F3: variants seen among roughly 807,000 people sequenced by gnomAD.
The protein encoded by F3 is coagulation factor III, tissue factor, also known as tissue factor.
F3 carries 18 observed loss-of-function variants against 33.5 expected under a neutral mutation model. The ratio of observed to expected loss-of-function variants is 0.54; its 90% confidence interval spans 0.37 to 0.80. F3 has a LOEUF of 0.80. F3 is among the 30% of genes least tolerant of loss of function. The pLI, the probability that F3 is intolerant of heterozygous loss-of-function variation, is 0.00. For synonymous variants in F3, 147 were observed against 140.7 expected (o/e 1.05, Z -0.32); for missense variants, 353 against 362.1 (o/e 0.97, Z 0.20).
intron 3 of F3, among the ~76,000 whole-genome samples, chr1:94,535,690 C>T (rs956730906): frequency 3.3e-5 from 5 of 151,974 alleles, no homozygotes; most frequent in African/African-American, 1.2e-4. Context: ...CGCCCTCTCC[C>T]AACACACATT....
At chr1:94,535,187 C>T (rs552453566) in intron 3 of F3, among the ~76,000 whole-genome samples, 1 of 152,322 alleles carries the variant, frequency 6.6e-6, no homozygotes, top group Non-Finnish European at 1.5e-5. Flanking sequence ...ACAACACCTT[C>T]ATTCTAACCA....
chr1:94,541,646 T>C lies in F3; in HGVS notation c.-10A>G. The C allele has an allele frequency of 2.2e-6, 3 of 1,395,332 alleles. No homozygotes were observed. The highest frequency in any genetic ancestry group is 1.7e-5 in the South Asian group (1 of 58,550). The allele number at this position is 1,395,332 out of a possible 1,614,324, so 86.4% of individuals were successfully genotyped here. A position where few individuals can be genotyped will look rare whatever the true frequency, so the allele number is the denominator to read the frequency against. On this transcript the variant is annotated 5_prime_UTR_variant, in exon 1 of 6. Transcript: ENST00000334047. ...AGGCAGGGGTCTCCATGTCTACCAGTTGGCGGCGAGATCGAGCGGGTTCCG... is the reference window on the plus strand; with the variant it reads ...AGGCAGGGGTCTCCATGTCTACCAGCTGGCGGCGAGATCGAGCGGGTTCCG...
At chr1:94,532,195 C>G (rs200985472) in intron 5 of F3, 126 bp downstream of exon 5, 1 of 879,216 alleles carries the variant, frequency 1.1e-6, no homozygotes, top group South Asian at 2.1e-5. Flanking sequence ...AAAAAACCTC[C>G]AGGCAGTTTG....
At chr1:94,531,529 T>C (rs1651426300) in intron 5 of F3, among the ~76,000 whole-genome samples, 1 of 152,172 alleles carries the variant, frequency 6.6e-6, no homozygotes, top group Non-Finnish European at 1.5e-5. Flanking sequence ...CCCAAACTCC[T>C]GACCTCAAGT....
At chr1:94,536,563 G>A (rs1651615848) in intron 2 of F3, among the ~76,000 whole-genome samples, 1 of 152,084 alleles carries the variant, frequency 6.6e-6, no homozygotes, top group South Asian at 2.1e-4. Flanking sequence ...TCACACAGCT[G>A]GACTTTGAAC....
At chr1:94,541,444 C>G (rs1000327297) in intron 1 of F3, 93 bp downstream of exon 1, 27 of 1,035,348 alleles carry the variant, frequency 2.6e-5, no homozygotes, top group Non-Finnish European at 3.4e-5. Flanking sequence ...ATGGGCGCCC[C>G]GGGGAACCAG....
chr1:94,530,414 G>C lies in F3; in HGVS notation c.*46C>G, dbSNP rs1651383867. The C allele has an allele frequency of 4.4e-6, 7 of 1,607,770 alleles. No individual in the cohort carries two copies. Among genetic ancestry groups the C allele is most frequent in the Non-Finnish European group, 5.1e-6 (6 of 1,176,370 alleles). On this transcript the variant is annotated 3_prime_UTR_variant, in exon 6 of 6. Transcript: ENST00000334047. ...TATTCTATCCTCTTAAAAGTTCTCGGTCACAGTGCAATATAGCATTTGCAG... is the reference window on the plus strand; with the variant it reads ...TATTCTATCCTCTTAAAAGTTCTCGCTCACAGTGCAATATAGCATTTGCAG...
chr1:94,532,372 T>G lies in F3; in HGVS notation c.700A>C (p.Ser234Arg), dbSNP rs1651458794. The change falls in exon 5 of 6, where the codon AGT (serine) becomes CGT (arginine). Residue 234 changes from serine to arginine, a missense_variant. Transcript: ENST00000334047. ...ATACACTCTACCGGGCTGTCTGTACTCTTCCGGTTAACTGTTCGGGAGGGA... is the reference window on the plus strand; with the variant it reads ...ATACACTCTACCGGGCTGTCTGTACGCTTCCGGTTAACTGTTCGGGAGGGA... ...VIPSRTVNRK[S>R]TDSPVECMGQ... 1.9e-6 allele frequency: 3 copies of G among 1,614,100 alleles called. No homozygotes were observed. The highest frequency in any genetic ancestry group is 2.5e-6 in the Non-Finnish European group (3 of 1,180,048).
intron 3 of F3, among the ~76,000 whole-genome samples, chr1:94,533,600 G>C (rs986613320): frequency 2.2e-4 from 33 of 152,138 alleles, no homozygotes; most frequent in Non-Finnish European, 4.4e-4. Context: ...ACATGGGTTT[G>C]AACTCTGTGG....
chr1:94,540,268 A>G lies in F3; in HGVS notation c.201T>C (p.Thr67=). 2 of 1,608,428 alleles carry G rather than the reference A, an allele frequency of 1.2e-6. No homozygotes were observed. Among genetic ancestry groups the G allele is most frequent in the Non-Finnish European group, 1.7e-6 (2 of 1,175,978 alleles). ...TGTACCCAGCTTACCTTATTTGAAC[A>G]GTGTAGACTTGATTGACGGGTTTGG... ...WEPKPVNQVY[T]VQISTKSGDW... The change falls in exon 2 of 6, where the codon ACT becomes ACC. Residue 67 remains threonine (T), a synonymous_variant. Transcript: ENST00000334047.
rs759484806 is a variant in F3, at chr1:94,533,260, C to T, written c.421G>A (p.Gly141Arg). ...EFTPYLETNL[G>R]QPTIQSFEQV... is the part of the protein sequence containing the mutation. ...TCAAAACTCTGAATTGTTGGCTGTC[C>T]GAGGTTTGCTGAAACAAAGGAAATG... The change falls in exon 4 of 6, where the codon GGA (glycine) becomes AGA (arginine). Residue 141 changes from glycine to arginine, a missense_variant. Coordinates refer to ENST00000334047, the MANE Select transcript of F3 (RefSeq NM_001993.5). The T allele has an allele frequency of 3.7e-6, 6 of 1,610,176 alleles. No individual in the cohort carries two copies. The highest frequency in any genetic ancestry group is 2.7e-5 in the African/African-American group (2 of 74,592).
intron 2 of F3, among the ~76,000 whole-genome samples, chr1:94,537,732 T>C (rs972722883): frequency 1.3e-5 from 2 of 152,218 alleles, no homozygotes; most frequent in Non-Finnish European, 2.9e-5. Context: ...TATCCTAAAG[T>C]GCACAAACTA....
chr1:94,532,917 G>A, intron 4 of F3, 173 bp downstream of exon 4: 1 of 663,724 alleles, frequency 1.5e-6, no homozygotes, highest in Non-Finnish European at 2.5e-6. Context: ...CAGAGTCACA[G>A]GTAGGACCAG....
At chr1:94,538,414 G>A (rs1349077059) in intron 2 of F3, among the ~76,000 whole-genome samples, 1 of 152,242 alleles carries the variant, frequency 6.6e-6, no homozygotes, top group East Asian at 1.9e-4. Context: ...GTGTCCTGCG[G>A]CTGGAGCCAG....
chr1:94,532,601 C>A (rs1188879405), intron 4 of F3, 121 bp from the exon 5 acceptor site: 1 of 1,054,976 alleles, frequency 9.5e-7, no homozygotes, highest in Non-Finnish European at 1.4e-6. Context: ...ACAGCTGACA[C>A]GTGAAGGATT....
chr1:94,532,534 C>T, intron 4 of F3, 54 bp from the exon 5 acceptor site: 1 of 1,586,918 alleles, frequency 6.3e-7, no homozygotes, highest in African/African-American at 1.3e-5. Flanking sequence ...ATTCTTTCCC[C>T]TTTATTAAGT....
intron 5 of F3, 138 bp from the exon 6 acceptor site, chr1:94,530,734 T>C: frequency 2.0e-6 from 2 of 984,530 alleles, no homozygotes; most frequent in Non-Finnish European, 3.0e-6. Flanking sequence ...CCACCACACT[T>C]ACATTAGGAA....
chr1:94,534,922 C>G (rs1481646037), intron 3 of F3, among the ~76,000 whole-genome samples: 1 of 152,072 alleles, frequency 6.6e-6, no homozygotes, highest in Admixed American at 6.5e-5. Flanking sequence ...ATGCCACAGT[C>G]ACCAGAGGGG....
In F3 at chr1:94,533,240, ACT is replaced by A. The variant is rs1651486924; in HGVS notation, c.439_440del (p.Ser147PhefsTer2). 3.1e-6 allele frequency: 5 copies of A among 1,612,592 alleles called. No homozygotes were observed. The highest frequency in any genetic ancestry group is 1.7e-6 in the Non-Finnish European group (2 of 1,179,732). On this transcript the variant is annotated frameshift_variant, in exon 4 of 6. Coordinates refer to ENST00000334047, the MANE Select transcript of F3 (RefSeq NM_001993.5). LOFTEE classifies it high-confidence loss of function. The stretch of plus-strand genomic sequence containing the variant: ...TCACTTTTGTTCCCACCTGTTCAAA[ACT>A]CTGAATTGTTGGCTGTCCGAGGTTT... ...ETNLGQPTIQ[S>X]FEQVGTKVNV...
Sources: gnomAD v4.1 joint callset for allele counts (sites outside exome capture counted in the v4.1 genomes callset) on GRCh38, gnomAD v4.1.1 for gene constraint, MANE v1.5 for transcripts, NCBI Gene and HGNC (gene_info 2026-07-23, HGNC 2026-07-21) for gene names.